Variants in CNTNAP2 observed in about 807,000 individuals in gnomAD.
The protein encoded by CNTNAP2 is contactin associated protein 2.
A neutral mutation model predicts 155.2 loss-of-function variants in CNTNAP2; 98 were observed. The ratio of observed to expected loss-of-function variants is 0.63; its 90% CI spans 0.54 to 0.75. The LOEUF (loss-of-function observed/expected upper bound fraction) is 0.75, where lower values mean the gene tolerates loss of function less well. CNTNAP2 is among the 30% of genes least tolerant of loss of function. The pLI, the probability that CNTNAP2 is intolerant of heterozygous loss-of-function variation, is 0.00. For missense variants in CNTNAP2, 1,727 were observed against 1,688.1 expected, an observed-to-expected ratio of 1.02 and a Z score of -0.40; for synonymous variants, 651 against 631.2, an observed-to-expected ratio of 1.03 and a Z score of -0.47.
chr7:146,932,168 C>T (rs1385910477), intron 3 of CNTNAP2, among the ~76,000 whole-genome samples: 5 of 152,178 alleles, frequency 3.3e-5, no homozygotes, highest in Non-Finnish European at 7.3e-5. Flanking sequence ...CCTTGATGAA[C>T]ACTGATGCAA....
At chr7:147,943,005 C>G (rs1211963342) in intron 14 of CNTNAP2, among the ~76,000 whole-genome samples, 1 of 151,912 alleles carries the variant, frequency 6.6e-6, no homozygotes, top group Non-Finnish European at 1.5e-5. Context: ...CCACTGCACA[C>G]CAGCCTGGGC....
intron 1 of CNTNAP2, among the ~76,000 whole-genome samples, chr7:146,222,805 G>A (rs945193246): frequency 3.3e-5 from 5 of 151,532 alleles, no homozygotes; most frequent in East Asian, 1.9e-4. Context: ...ACAGGCGCCC[G>A]CCACCACGCC....
At chr7:146,225,179 A>C (rs1369595694) in intron 1 of CNTNAP2, among the ~76,000 whole-genome samples, 3 of 152,056 alleles carry the variant, frequency 2.0e-5, no homozygotes, top group Admixed American at 1.3e-4. Context: ...AACAGCAGTG[A>C]AACAAACTGA....
chr7:146,766,459 G>T (rs1007540289), intron 1 of CNTNAP2, among the ~76,000 whole-genome samples: 4 of 152,062 alleles, frequency 2.6e-5, no homozygotes, highest in African/African-American at 9.7e-5. Flanking sequence ...ATATTATTAG[G>T]TCTGTGTAGC....
At chr7:146,641,233 A>G (rs536317216) in intron 1 of CNTNAP2, among the ~76,000 whole-genome samples, 1 of 152,314 alleles carries the variant, frequency 6.6e-6, no homozygotes, top group Admixed American at 6.5e-5. Context: ...AGGCTGAGGC[A>G]GGAGAATGGC....
intron 18 of CNTNAP2, among the ~76,000 whole-genome samples, chr7:148,207,054 A>G (rs1166682481): frequency 6.6e-6 from 1 of 151,864 alleles, no homozygotes; most frequent in East Asian, 1.9e-4. Flanking sequence ...CCCACCGCAA[A>G]CTCCGTTTGG....
intron 3 of CNTNAP2, among the ~76,000 whole-genome samples, chr7:146,911,063 C>A (rs1479197126): frequency 3.3e-5 from 5 of 152,006 alleles, no homozygotes; most frequent in African/African-American, 1.2e-4. Context: ...AAATGCTCAT[C>A]ATCACTGGCC....
rs186665913 is a variant in CNTNAP2, at chr7:148,385,646, C to T, written c.3715+1758C>T. Among the ~76,000 whole-genome samples the T allele has an allele frequency of 5.2e-3, 785 of 150,996 alleles. 8 individuals carry two copies. The highest frequency in any genetic ancestry group is 0.018 in the African/African-American group (719 of 41,080). On this transcript the variant is annotated intron_variant, in intron 22 of 23. Coordinates refer to ENST00000361727, the MANE Select transcript of CNTNAP2 (RefSeq NM_014141.6). ...TTATGTATTATTACTTAATTAGGAA[C>T]TTGTTTGTTAAGATCTGTGAGATAT...
intron 15 of CNTNAP2, among the ~76,000 whole-genome samples, chr7:148,038,299 G>A (rs1802607242): frequency 6.6e-6 from 1 of 152,226 alleles, no homozygotes; most frequent in East Asian, 1.9e-4. Context: ...CATCCAGACT[G>A]CCTTGAACGC....
rs189826840 is a variant in CNTNAP2 at position 147,641,407 on chromosome 7, G to A, written c.2098+2101G>A. The stretch of plus-strand genomic sequence containing the variant: ...CTGTGGAGTTGGGACTTCATCCAGA[G>A]GGCCAGTACTTCTCAGACTTTAGTG... On this transcript the variant is annotated intron_variant, in intron 13 of 23. Coordinates refer to ENST00000361727, the MANE Select transcript of CNTNAP2 (RefSeq NM_014141.6). Among the ~76,000 whole-genome samples the A allele has an allele frequency of 1.5e-4, 23 of 152,212 alleles. No homozygotes were observed. In the East Asian group the frequency reaches 2.7e-3, roughly 18 times the overall value.
chr7:146,793,825 T>G (rs929026620), intron 2 of CNTNAP2, among the ~76,000 whole-genome samples: 1 of 152,042 alleles, frequency 6.6e-6, no homozygotes, highest in East Asian at 1.9e-4. Context: ...TAATGAAGAG[T>G]AGGCAGTATG....
intron 1 of CNTNAP2, among the ~76,000 whole-genome samples, chr7:146,275,047 A>C (rs1250890140): frequency 6.6e-6 from 1 of 152,172 alleles, no homozygotes; most frequent in Non-Finnish European, 1.5e-5. Context: ...GCTTTCATAT[A>C]GACTTGTTTT....
chr7:147,980,751 C>T (rs1288461789), intron 15 of CNTNAP2, among the ~76,000 whole-genome samples: 36 of 128,556 alleles, frequency 2.8e-4, no homozygotes, highest in African/African-American at 1.0e-3. Flanking sequence ...GGTGAAACCC[C>T]GTCTCTACTA....
At chr7:148,334,981 C>T (rs1019139827) in intron 21 of CNTNAP2, among the ~76,000 whole-genome samples, 15 of 152,308 alleles carry the variant, frequency 9.8e-5, no homozygotes, top group African/African-American at 3.4e-4. Flanking sequence ...CACTCAAAGA[C>T]GGGGAAGATG....
At chr7:146,930,616 C>A (rs890171100) in intron 3 of CNTNAP2, among the ~76,000 whole-genome samples, 2 of 152,150 alleles carry the variant, frequency 1.3e-5, no homozygotes, top group African/African-American at 2.4e-5. Flanking sequence ...GGACTAAATT[C>A]TCCAATTAAA....
At chr7:147,328,365 T>G (rs2116835506) in intron 9 of CNTNAP2, among the ~76,000 whole-genome samples, 1 of 152,308 alleles carries the variant, frequency 6.6e-6, no homozygotes, top group African/African-American at 2.4e-5. Flanking sequence ...CAACAACTAA[T>G]ATAGCTGGAG....
chr7:148,217,555 T>G, intron 19 of CNTNAP2, 31 bp downstream of exon 19: 1 of 1,600,542 alleles, frequency 6.2e-7, no homozygotes, highest in Non-Finnish European at 8.6e-7. Context: ...CCTCTGCCAT[T>G]TAACATTTGG....
rs909610607 is a variant in CNTNAP2 at position 146,907,270 on chromosome 7, C to T, written c.402+67366C>T. Among the ~76,000 whole-genome samples, 21 of 146,450 alleles carry T rather than the reference C, an allele frequency of 1.4e-4. 1 individual carries two copies. The East Asian group carries it at 2.7e-3, about 19-fold the overall frequency. On this transcript the variant is annotated intron_variant, in intron 3 of 23. Coordinates refer to ENST00000361727, the MANE Select transcript of CNTNAP2 (RefSeq NM_014141.6). ...AACTTCCCCAATCTAGCAAGGCAGG[C>T]CAACGTTCAGATTCAGGAAATACAG...
intron 1 of CNTNAP2, among the ~76,000 whole-genome samples, chr7:146,136,113 T>C (rs1797793279): frequency 6.6e-6 from 1 of 152,202 alleles, no homozygotes; most frequent in Admixed American, 6.6e-5. Flanking sequence ...TTATTTCTAC[T>C]AATAAAAAGC....
Sources: gnomAD v4.1 joint callset for allele counts (sites outside exome capture counted in the v4.1 genomes callset) on GRCh38, gnomAD v4.1.1 for gene constraint, MANE v1.5 for transcripts, NCBI Gene and HGNC (gene_info 2026-07-23, HGNC 2026-07-21) for gene names.